The following PTPRS variants were observed in gnomAD, a reference collection of about 807,000 sequenced individuals.
PTPRS encodes the protein receptor-type tyrosine-protein phosphatase S.
PTPRS carries 63 observed loss-of-function variants against 215.3 expected under a neutral mutation model. That is an observed-to-expected ratio of 0.29 (90% CI 0.24 to 0.36). The LOEUF is 0.36. Ranked by LOEUF, PTPRS falls within the 10% of genes least tolerant of loss-of-function variation. The probability of loss-of-function intolerance (pLI) is 1.00; values close to 1 mark genes in which losing one functional copy is unlikely to be tolerated. For missense variants in PTPRS, 2,258 were observed against 2,825.8 expected, an observed-to-expected ratio of 0.80 and a Z score of 4.56; for synonymous variants, 1,404 against 1,191.4, an observed-to-expected ratio of 1.18 and a Z score of -3.68.
Position 5,240,257 on chromosome 19 carries a change from C to T in PTPRS, c.1646G>A (p.Arg549Gln), listed in dbSNP as rs750655279. 8 of 1,586,626 alleles carry T rather than the reference C, an allele frequency of 5.0e-6. No homozygotes were observed. Among genetic ancestry groups the T allele is most frequent in the Middle Eastern group, 1.8e-4 (1 of 5,566 alleles). Reference protein sequence around the residue: ...TSITLSWSPPRQESIIKYELL... With the variant: ...TSITLSWSPPQQESIIKYELL... ...CTCGTACTTGATGATACTCTCCTGC[C>T]GCGGGGGGCTCCAGGACAGCGTGAT... is the stretch of plus-strand genomic sequence containing the variant. Residue 549 changes from arginine to glutamine, a missense_variant, in exon 12 of 38, where the codon CGG (arginine) becomes CAG (glutamine). Physicochemically the swap from Arg to Gln is conservative, Grantham distance 43. Coordinates refer to ENST00000262963, the MANE Select transcript of PTPRS (RefSeq NM_002850.4).
At position 5,243,962 on chromosome 19, in the gene PTPRS, G is replaced by A; in HGVS notation, c.1509C>T (p.Ala503=). ...GGGGCCCGTCGCCGACGGAGGTGAA[G>A]GCGAGCACCCGCACGGTGTAGGTCT... The part of the protein sequence containing the change: ...EDETYTVRVL[A]FTSVGDGPLS... Residue 503 remains alanine, a synonymous_variant, in exon 11 of 38, where the codon GCC becomes GCT. Coordinates refer to ENST00000262963, the MANE Select transcript of PTPRS (RefSeq NM_002850.4). The A allele has an allele frequency of 1.3e-6, 2 of 1,594,596 alleles. No individual in the cohort carries two copies. The highest frequency in any genetic ancestry group is 8.5e-7 in the Non-Finnish European group (1 of 1,175,326).
rs1218878337 is a variant in PTPRS, at chr19:5,295,040, G to A, written c.-94-8806C>T. 2.0e-5 allele frequency among the ~76,000 whole-genome samples: 3 copies of A among 152,214 alleles called. No homozygotes were observed. In the East Asian group the frequency reaches 5.8e-4, roughly 29 times the overall value. ...CCAGCGTGACCTCCCCAACTTGGCT[G>A]GGCACACAGTGGGCCCTCAGGAGCA... is the stretch of plus-strand genomic sequence containing the variant. On this transcript the variant is annotated intron_variant, in intron 1 of 37. Coordinates refer to ENST00000262963, the MANE Select transcript of PTPRS (RefSeq NM_002850.4). The surrounding 1 kb of genome is among the most constrained non-coding windows in gnomAD (Gnocchi z 4.6).
At chr19:5,251,957 T>C (rs2045131422) in intron 9 of PTPRS, among the ~76,000 whole-genome samples, 3 of 151,430 alleles carry the variant, frequency 2.0e-5, no homozygotes, top group Non-Finnish European at 2.9e-5. Flanking sequence ...CCACCATCTA[T>C]GTCTGTCCCT....
At chr19:5,242,032 A>G (rs1239154020) in intron 11 of PTPRS, among the ~76,000 whole-genome samples, 1 of 151,616 alleles carries the variant, frequency 6.6e-6, no homozygotes, top group Non-Finnish European at 1.5e-5. Flanking sequence ...ATGGGGTTTC[A>G]CCATTATTGG....
chr19:5,218,369 C>T (rs2041675458), intron 25 of PTPRS, 51 bp downstream of exon 25: 1 of 1,540,576 alleles, frequency 6.5e-7, no homozygotes, highest in Non-Finnish European at 8.9e-7. Context: ...TGCTTCTCCC[C>T]AGCTATCTCC....
In PTPRS at chr19:5,210,784, C is replaced by T. The variant is rs140704487; in HGVS notation, c.5256G>A (p.Ala1752=). 2.9e-4 allele frequency: 476 copies of T among 1,613,986 alleles called. No homozygotes were observed. In the African/African-American group the frequency reaches 5.4e-3, roughly 18 times the overall value. Residue 1752 remains alanine (A), a synonymous_variant, in exon 34 of 38, where the codon GCG becomes GCA. Transcript: ENST00000262963. The surrounding 1 kb of genome is among the most constrained non-coding windows in gnomAD (Gnocchi z 4.5). ...TGGTCTCCGCCAGCGGCCCCTGTGT[C>T]GCGATGTAGGCCTTCTGCTGCCTGC... ...DGYRQQKAYI[A]TQGPLAETTE...
intron 1 of PTPRS, among the ~76,000 whole-genome samples, chr19:5,309,923 C>G (rs948981588): frequency 6.6e-6 from 1 of 152,194 alleles, no homozygotes; most frequent in Admixed American, 6.5e-5. Context: ...GTGAACACGT[C>G]GGTCAGGGCT....
intron 23 of PTPRS, 75 bp from the exon 24 acceptor site, chr19:5,218,873 C>G: frequency 6.8e-7 from 1 of 1,463,228 alleles, no homozygotes. Context: ...CCATCAAGGG[C>G]TTGTTCTGTG....
intron 4 of PTPRS, among the ~76,000 whole-genome samples, chr19:5,266,942 A>C (rs949082682): frequency 3.3e-5 from 5 of 151,982 alleles, no homozygotes; most frequent in African/African-American, 1.2e-4. Context: ...CCCTTGCTCT[A>C]AATGCCCCCA....
At chr19:5,258,175 A>T (rs767639277) in intron 7 of PTPRS, 48 bp from the exon 8 acceptor site, 1 of 1,500,378 alleles carries the variant, frequency 6.7e-7, no homozygotes, top group Non-Finnish European at 9.3e-7. Context: ...GGGGCCCAGG[A>T]GTGAACAGGG....
chr19:5,211,121 T>C (rs193041797), intron 33 of PTPRS, among the ~76,000 whole-genome samples: 4 of 152,340 alleles, frequency 2.6e-5, no homozygotes, highest in Admixed American at 2.6e-4. Context: ...TGGGCCAAGC[T>C]CTCAGCCCCG....
In PTPRS at chr19:5,223,414, G is replaced by GC. The variant is rs1219426777; in HGVS notation, c.2495-118_2495-117insG. On this transcript the variant is annotated intron_variant, in intron 17 of 37. Transcript: ENST00000262963. ...AATATAACATTTTTTTGAGTTGGGGGGGGTCTTACTCTGTTGCCCAGCCTG... is the reference window on the plus strand; with the variant it reads ...AATATAACATTTTTTTGAGTTGGGGGCGGGTCTTACTCTGTTGCCCAGCCTG... The GC allele has an allele frequency of 3.2e-6, 4 of 1,251,760 alleles. No homozygotes were observed. The South Asian group carries it at 7.6e-5, about 24-fold the overall frequency. 77.5% of individuals were successfully genotyped at this position (1,251,760 alleles called of 1,614,324 possible).
intron 1 of PTPRS, among the ~76,000 whole-genome samples, chr19:5,309,316 G>T (rs946457114): frequency 6.6e-6 from 1 of 152,148 alleles, no homozygotes; most frequent in Admixed American, 6.5e-5. Context: ...CTAACCTCTA[G>T]CCCCATCCAG....
intron 4 of PTPRS, among the ~76,000 whole-genome samples, chr19:5,270,155 C>T (rs1054405262): frequency 2.0e-5 from 3 of 152,126 alleles, no homozygotes; most frequent in Non-Finnish European, 4.4e-5. Context: ...GGCCTGACTC[C>T]GCCCCCGCTC....
At chr19:5,207,898 C>T (rs2040511672) in intron 37 of PTPRS, 24 bp downstream of exon 37, 2 of 1,610,908 alleles carry the variant, frequency 1.2e-6, no homozygotes, top group South Asian at 2.2e-5. Flanking sequence ...GCCAGGCTGC[C>T]TCCCCTCCCT....
chr19:5,205,589 T>TAAAC lies in PTPRS; in HGVS notation c.*1181_*1184dup, dbSNP rs1342585676. 6.6e-6 allele frequency among the ~76,000 whole-genome samples: 1 copy of TAAAC among 152,254 alleles called. No homozygotes were observed. The highest frequency in any genetic ancestry group is 1.5e-5 in the Non-Finnish European group (1 of 68,048). ...AACCACCCGGCTGCTTCCGCTGGAATAAACAGTGTTGAAAGTAACCGCAGA... is the reference window on the plus strand; with the variant it reads ...AACCACCCGGCTGCTTCCGCTGGAATAAACAAACAGTGTTGAAAGTAACCGCAGA... On this transcript the variant is annotated 3_prime_UTR_variant, in exon 38 of 38. Transcript: ENST00000262963.
chr19:5,272,464 G>A (rs535461122), intron 4 of PTPRS, among the ~76,000 whole-genome samples: 1 of 151,734 alleles, frequency 6.6e-6, no homozygotes, highest in Admixed American at 6.6e-5. Context: ...TGGGCGTGGT[G>A]GCATGTGCCT....
intron 5 of PTPRS, among the ~76,000 whole-genome samples, chr19:5,264,123 C>T (rs987809460): frequency 1.4e-5 from 2 of 145,100 alleles, no homozygotes; most frequent in Admixed American, 1.4e-4. Flanking sequence ...ACAGGCTGGA[C>T]TGCCCGTCTG....
At chr19:5,329,720 A>G (rs991001717) in intron 1 of PTPRS, among the ~76,000 whole-genome samples, 2 of 151,496 alleles carry the variant, frequency 1.3e-5, no homozygotes, top group African/African-American at 4.9e-5. Flanking sequence ...AGCTGAGATC[A>G]TGCCACTGCA....
Sources: allele counts gnomAD v4.1 joint callset (sites outside exome capture counted in the v4.1 genomes callset), GRCh38; gene constraint gnomAD v4.1.1; non-coding constraint Gnocchi (gnomAD v3.1); transcripts MANE v1.5; gene names NCBI Gene and HGNC (gene_info 2026-07-23, HGNC 2026-07-21).